TRPM5: variants seen among roughly 807,000 people sequenced by gnomAD.
TRPM5 encodes MLSN1 and TRP-related.
Under a neutral mutation model 124.9 loss-of-function variants are expected in TRPM5, and 121 were observed. The observed-to-expected ratio is 0.97, with a 90% confidence interval of 0.84 to 1.13. The LOEUF is 1.13. Among genes scored for constraint, TRPM5 ranks in the 50% most tolerant of loss-of-function variants. TRPM5 has a pLI of 0.00. For missense variants in TRPM5, 1,643 were observed against 1,589.1 expected (o/e 1.03, Z -0.58); for synonymous variants, 781 against 700.5 (o/e 1.11, Z -1.81).
At position 2,415,102 on chromosome 11, in the gene TRPM5, C is replaced by G. The variant is rs779960303; in HGVS notation, c.1479+19G>C. The G allele has an allele frequency of 1.3e-6, 2 of 1,576,030 alleles. No individual in the cohort carries two copies. Among genetic ancestry groups the G allele is most frequent in the Non-Finnish European group, 1.7e-6 (2 of 1,165,810 alleles). On this transcript the variant is annotated intron_variant, in intron 9 of 23. Transcript: ENST00000155858. Reference sequence around the variant, plus strand: ...GCGGCCCCAGCCTCGCCCTCCATCCCCACGGAGCCCCCGCTCACCGCCCTC... The same window carrying G: ...GCGGCCCCAGCCTCGCCCTCCATCCGCACGGAGCCCCCGCTCACCGCCCTC...
the TRPM5 span, among the ~76,000 whole-genome samples, chr11:2,432,137 C>T: frequency 2.6e-5 from 4 of 152,238 alleles, no homozygotes; most frequent in South Asian, 4.1e-4. Context: ...ACTGTCTGCC[C>T]GCTCTAGCCA....
intron 19 of TRPM5, 115 bp downstream of exon 24, chr11:2,407,644 C>A: frequency 7.3e-7 from 1 of 1,373,712 alleles, no homozygotes; most frequent in East Asian, 2.3e-5. Context: ...CCCTGAGGCA[C>A]CAAGCCTCAC....
chr11:2,418,081 G>A (rs765597211), intron 6 of TRPM5, 86 bp downstream of exon 11: 7 of 1,284,870 alleles, frequency 5.4e-6, no homozygotes, highest in Non-Finnish European at 7.5e-6. Flanking sequence ...GAGTGGGCTG[G>A]AGGCTGCATT....
At chr11:2,405,407 T>C (rs902614834) in intron 23 of TRPM5, 120 bp downstream of exon 28, 1 of 1,083,190 alleles carries the variant, frequency 9.2e-7, no homozygotes, top group Non-Finnish European at 1.3e-6. Context: ...AGCCAAGGCC[T>C]CCTGAGACTC....
At chr11:2,423,019 G>A (rs762791756) in exon 1 of TRPM5, 9 of 1,611,936 alleles carry the variant, frequency 5.6e-6, no homozygotes, top group Non-Finnish European at 6.8e-6. Flanking sequence ...CGGGACGGGG[G>A]CCTTGGACAT....
chr11:2,429,610 ATGGTGGTGATTG>A, the TRPM5 span, among the ~76,000 whole-genome samples: 1 of 149,734 alleles, frequency 6.7e-6, no homozygotes, highest in East Asian at 2.0e-4. This position sits in a 1 kb window ranked among gnomAD's most constrained non-coding sequence, Gnocchi z 8.4. Context: ...AATGTTGGAG[ATGGTGGTGATTG>A]TGGTGGTGAT....
intron 1 of TRPM5, 92 bp from the exon 7 acceptor site, chr11:2,422,413 G>A (rs865923454): frequency 1.6e-5 from 18 of 1,095,416 alleles, no homozygotes; most frequent in Middle Eastern, 6.0e-4. Flanking sequence ...GGGGCACTGG[G>A]GAGGTGCTGA....
At chr11:2,405,446 C>T (rs1850295835) in intron 23 of TRPM5, 81 bp downstream of exon 28, 3 of 1,409,640 alleles carry the variant, frequency 2.1e-6, no homozygotes, top group African/African-American at 1.4e-5. Context: ...GCAGAGCACA[C>T]AGCACAGCCT....
exon 15 of TRPM5, chr11:2,412,765 C>T: frequency 2.5e-6 from 4 of 1,598,062 alleles, no homozygotes; most frequent in Non-Finnish European, 3.4e-6. Flanking sequence ...TGCCGGATTT[C>T]CTCCAGCACC....
At position 2,415,120 on chromosome 11, in the gene TRPM5, C is replaced by T; in HGVS notation, c.1479+1G>A. ...TCCATCCCCACGGAGCCCCCGCTCA[C>T]CGCCCTCCTGCGGTCCCCTGGCCGG... is the stretch of plus-strand genomic sequence containing the variant. On this transcript the variant is annotated splice_donor_variant, in intron 9 of 23. Transcript: ENST00000155858. LOFTEE classifies it high-confidence loss of function. 2 of 1,569,018 alleles carry T rather than the reference C, an allele frequency of 1.3e-6. No individual in the cohort carries two copies. Among genetic ancestry groups the T allele is most frequent in the South Asian group, 1.2e-5 (1 of 86,702 alleles).
rs139971788 is a variant in TRPM5, at chr11:2,406,640, G to T, written c.3251+21C>A. The stretch of plus-strand genomic sequence containing the variant: ...TAAAGACAGCCCGATACCCACCAGT[G>T]ATCAGGACAGGCCCCCGCACCTGTG... On this transcript the variant is annotated intron_variant, in intron 21 of 23. Transcript: ENST00000155858. 3.8e-5 allele frequency: 61 copies of T among 1,589,722 alleles called. No individual in the cohort carries two copies. The African/African-American group carries it at 6.9e-4, about 18-fold the overall frequency.
Position 2,414,324 on chromosome 11 carries a change from C to T in TRPM5, c.1745-118G>A, listed in dbSNP as rs1426923314. The T allele has an allele frequency of 3.1e-5, 44 of 1,403,598 alleles. 1 individual carries two copies. In the East Asian group the frequency reaches 4.0e-4, roughly 13 times the overall value. 86.9% of individuals were successfully genotyped at this position (1,403,598 alleles called of 1,614,324 possible). A position where few individuals can be genotyped will look rare whatever the true frequency, so the allele number is the denominator to read the frequency against. Reference sequence around the variant, plus strand: ...CTGCAGCCGCACCCTGCGTTCAACACGCAGGGCCCAGCCAGGCCTTCTGCC... The same window carrying T: ...CTGCAGCCGCACCCTGCGTTCAACATGCAGGGCCCAGCCAGGCCTTCTGCC... On this transcript the variant is annotated intron_variant, in intron 11 of 23. Transcript: ENST00000155858.
exon 15 of TRPM5, chr11:2,412,792 A>C: frequency 6.2e-7 from 1 of 1,608,504 alleles, no homozygotes; most frequent in Non-Finnish European, 8.5e-7. Context: ...AAGACCCAGA[A>C]GTAGAGGGTG....
exon 3 of TRPM5, chr11:2,421,129 T>A (rs1279263844): frequency 1.3e-6 from 2 of 1,542,854 alleles, no homozygotes; most frequent in African/African-American, 1.4e-5. Context: ...GGCCAGCGAG[T>A]GGTCGCGCAC....
At chr11:2,436,821 G>A in the TRPM5 span, among the ~76,000 whole-genome samples, 2 of 152,388 alleles carry the variant, frequency 1.3e-5, no homozygotes, top group East Asian at 1.9e-4. Context: ...CCCCAGAACA[G>A]GGAGCATGAG....
At chr11:2,418,792 C>G (rs556878340) in intron 4 of TRPM5, among the ~76,000 whole-genome samples, 21 of 152,254 alleles carry the variant, frequency 1.4e-4, no homozygotes, top group Non-Finnish European at 4.4e-5. Flanking sequence ...CTAACCTACA[C>G]TACCCAGCAC....
In TRPM5 at chr11:2,420,217, C is replaced by G. The variant is rs1438038413; in HGVS notation, c.649+5G>C. On this transcript the variant is annotated splice_donor_5th_base_variant and intron_variant, in intron 4 of 23. Transcript: ENST00000155858. ...GCTTCCCTGGGTGGCTGGGGCGGGT[C>G]TCACCCCCGTAGCCCGCCCTCTGCT... 1 of 1,588,692 alleles carries G rather than the reference C, an allele frequency of 6.3e-7. No individual in the cohort carries two copies. The highest frequency in any genetic ancestry group is 8.5e-7 in the Non-Finnish European group (1 of 1,172,108).
chr11:2,417,487 A>AC (rs1022863361), intron 7 of TRPM5, among the ~76,000 whole-genome samples: 6 of 151,722 alleles, frequency 4.0e-5, no homozygotes, highest in South Asian at 4.2e-4. Context: ...ACAAAAAACA[A>AC]CCCCCCCACC....
chr11:2,404,310 C>T (rs1001058295), downstream of TRPM5, among the ~76,000 whole-genome samples: 1 of 152,190 alleles, frequency 6.6e-6, no homozygotes, highest in African/African-American at 2.4e-5. Context: ...GTTTTCCAGG[C>T]TCCACTGAAG....
Sources: gnomAD v4.1 joint callset for allele counts (sites outside exome capture counted in the v4.1 genomes callset) on GRCh38, gnomAD v4.1.1 for gene constraint, Gnocchi (gnomAD v3.1) non-coding constraint, MANE v1.5 for transcripts, NCBI Gene and HGNC (gene_info 2026-07-23, HGNC 2026-07-21) for gene names.